Variants in TMEM132D observed in about 807,000 individuals in gnomAD.
TMEM132D encodes the protein mature OL transmembrane protein.
A neutral mutation model predicts 62.3 loss-of-function variants in TMEM132D; 21 were observed. That is an observed-to-expected ratio of 0.34 (90% CI 0.24 to 0.49). The LOEUF (loss-of-function observed/expected upper bound fraction) is 0.49. Among genes scored for constraint, TMEM132D ranks in the 20% least tolerant of loss-of-function variants. TMEM132D has a pLI of 0.99. For missense variants in TMEM132D, 1,346 were observed against 1,402.8 expected (o/e 0.96, Z 0.65); for synonymous variants, 621 against 575.6 (o/e 1.08, Z -1.13).
At chr12:129,542,648 AT>A (rs1194575282) in intron 2 of TMEM132D, among the ~76,000 whole-genome samples, 1 of 152,172 alleles carries the variant, frequency 6.6e-6, no homozygotes, top group African/African-American at 2.4e-5. Flanking sequence ...ATGTACACCA[AT>A]GACAACACGC....
chr12:129,152,028 C>T (rs1877088922), intron 5 of TMEM132D, among the ~76,000 whole-genome samples: 1 of 152,108 alleles, frequency 6.6e-6, no homozygotes, highest in Admixed American at 6.5e-5. Flanking sequence ...CAGGCGCCCG[C>T]CATCATGCCC....
chr12:129,470,149 A>C (rs1032164585), intron 3 of TMEM132D, among the ~76,000 whole-genome samples: 4 of 152,290 alleles, frequency 2.6e-5, no homozygotes, highest in Middle Eastern at 3.4e-3. Flanking sequence ...CAGCTCATAA[A>C]ATGGGGTTCT....
At chr12:129,409,566 C>T (rs945558180) in intron 3 of TMEM132D, among the ~76,000 whole-genome samples, 3 of 152,174 alleles carry the variant, frequency 2.0e-5, no homozygotes, top group East Asian at 3.9e-4. Context: ...GTGAATCATT[C>T]GTGTAAATTA....
chr12:129,895,826 A>T (rs1875093640), intron 1 of TMEM132D, among the ~76,000 whole-genome samples: 1 of 151,844 alleles, frequency 6.6e-6, no homozygotes, highest in South Asian at 2.1e-4. Context: ...AGTAAAAAAA[A>T]AAAATTACTT....
chr12:129,174,711 C>T (rs1877851998), intron 5 of TMEM132D, among the ~76,000 whole-genome samples: 1 of 152,178 alleles, frequency 6.6e-6, no homozygotes, highest in Non-Finnish European at 1.5e-5. Flanking sequence ...TAAAAGTGTT[C>T]TTATTTCTCC....
chr12:129,368,453 AC>A (rs1422442067), intron 3 of TMEM132D, among the ~76,000 whole-genome samples: 1 of 152,196 alleles, frequency 6.6e-6, no homozygotes, highest in Non-Finnish European at 1.5e-5. Context: ...TAATTTAAAT[AC>A]CTATTTGCAT....
chr12:129,758,776 T>C (rs896058111), intron 1 of TMEM132D, among the ~76,000 whole-genome samples: 3 of 152,220 alleles, frequency 2.0e-5, no homozygotes, highest in Non-Finnish European at 4.4e-5. Context: ...CTCATAGTTA[T>C]TGTTTTTGGA....
intron 5 of TMEM132D, among the ~76,000 whole-genome samples, chr12:129,168,179 C>T (rs1284711880): frequency 6.6e-6 from 1 of 152,156 alleles, no homozygotes; most frequent in Non-Finnish European, 1.5e-5. Context: ...GCAGCTTTCT[C>T]TAAGAGTTTT....
At chr12:129,408,031 A>T (rs996218227) in intron 3 of TMEM132D, among the ~76,000 whole-genome samples, 1 of 151,938 alleles carries the variant, frequency 6.6e-6, no homozygotes, top group African/African-American at 2.4e-5. Context: ...CTATACTCTC[A>T]CAGTCTTTCT....
intron 1 of TMEM132D, among the ~76,000 whole-genome samples, chr12:129,726,613 T>A (rs2137248808): frequency 6.6e-6 from 1 of 152,218 alleles, no homozygotes; most frequent in African/African-American, 2.4e-5. Flanking sequence ...GTGAAGGGAT[T>A]GAATTTATGA....
chr12:129,180,210 GGGAGGAGGAGGA>G (rs61354153), intron 5 of TMEM132D, among the ~76,000 whole-genome samples: 1 of 149,804 alleles, frequency 6.7e-6, no homozygotes, highest in African/African-American at 2.5e-5. Context: ...ACAGATAGTG[GGGAGGAGGAGGA>G]GGAGGAGGAG....
At chr12:129,154,318 CT>C (rs1334249080) in intron 5 of TMEM132D, among the ~76,000 whole-genome samples, 3 of 152,294 alleles carry the variant, frequency 2.0e-5, no homozygotes, top group Non-Finnish European at 4.4e-5. Context: ...TGCCTTCATT[CT>C]CATTTTTAGA....
intron 3 of TMEM132D, among the ~76,000 whole-genome samples, chr12:129,341,400 C>A (rs1023449421): frequency 1.4e-4 from 21 of 152,182 alleles, no homozygotes; most frequent in African/African-American, 4.8e-4. Flanking sequence ...ATTCAAATTG[C>A]CTGGAGGAAC....
chr12:129,769,871 T>A (rs763249043), intron 1 of TMEM132D, among the ~76,000 whole-genome samples: 17 of 152,318 alleles, frequency 1.1e-4, no homozygotes, highest in Non-Finnish European at 1.8e-4. Context: ...GTTAGGATTG[T>A]ACATACTCAG....
intron 1 of TMEM132D, among the ~76,000 whole-genome samples, chr12:129,752,915 G>A (rs1252689555): frequency 6.6e-6 from 1 of 152,188 alleles, no homozygotes; most frequent in Non-Finnish European, 1.5e-5. Context: ...TTCATCCAAA[G>A]GAGGAAGGGT....
intron 4 of TMEM132D, among the ~76,000 whole-genome samples, chr12:129,237,292 A>G (rs760136601): frequency 3.3e-5 from 5 of 152,152 alleles, no homozygotes; most frequent in Non-Finnish European, 5.9e-5. Flanking sequence ...AGCAATATAT[A>G]TACAATAATC....
intron 2 of TMEM132D, among the ~76,000 whole-genome samples, chr12:129,551,865 T>C (rs1239716533): frequency 1.3e-5 from 2 of 152,190 alleles, no homozygotes; most frequent in East Asian, 1.9e-4. Context: ...TCCCCTGATA[T>C]TAAAAATAAA....
intron 2 of TMEM132D, among the ~76,000 whole-genome samples, chr12:129,583,347 A>G (rs1432530097): frequency 6.6e-6 from 1 of 152,210 alleles, no homozygotes; most frequent in African/African-American, 2.4e-5. Context: ...GAGGGAGGTG[A>G]GGATTTCACT....
At position 129,810,706 on chromosome 12, in the gene TMEM132D, G is replaced by A. The variant is rs1872147230; in HGVS notation, c.79+92555C>T. 4.6e-5 allele frequency among the ~76,000 whole-genome samples: 7 copies of A among 152,074 alleles called. No individual in the cohort carries two copies. The South Asian group carries it at 1.5e-3, about 32-fold the overall frequency. ...AGTTTCAGCAGTATCTTGACTGAGT[G>A]GTATCATTCCAGGAATAACAAAACA... On this transcript the variant is annotated intron_variant, in intron 1 of 8. Coordinates refer to ENST00000422113, the MANE Select transcript of TMEM132D (RefSeq NM_133448.3).
Sources: allele counts gnomAD v4.1 joint callset (sites outside exome capture counted in the v4.1 genomes callset), GRCh38; gene constraint gnomAD v4.1.1; transcripts MANE v1.5; gene names NCBI Gene and HGNC (gene_info 2026-07-23, HGNC 2026-07-21).